Variants in TPD52L1 observed in about 807,000 individuals in gnomAD.
TPD52L1 encodes tumor protein D53.
Under a neutral mutation model 28.7 loss-of-function variants are expected in TPD52L1, and 18 were observed. That is an observed-to-expected ratio of 0.63 (90% CI 0.43 to 0.93). TPD52L1 has a LOEUF of 0.93. Among genes scored for constraint, TPD52L1 ranks in the 40% least tolerant of loss-of-function variants. The pLI is 0.00. For synonymous variants in TPD52L1, 75 were observed against 88.8 expected, an observed-to-expected ratio of 0.84 and a Z score of 0.88; for missense variants, 203 against 254.8, an observed-to-expected ratio of 0.80 and a Z score of 1.39.
chr6:125,220,879 G>A (rs967787232), intron 2 of TPD52L1, among the ~76,000 whole-genome samples: 1 of 152,172 alleles, frequency 6.6e-6, no homozygotes, highest in South Asian at 2.1e-4. Context: ...GGAGAGTGTT[G>A]TAAAAAGGGC....
intron 3 of TPD52L1, among the ~76,000 whole-genome samples, chr6:125,247,187 C>T (rs1245623396): frequency 2.0e-5 from 3 of 152,052 alleles, no homozygotes; most frequent in Non-Finnish European, 4.4e-5. Flanking sequence ...CTTACAGATA[C>T]CATATGCATG....
chr6:125,234,137 A>G (rs1157604370), intron 3 of TPD52L1, among the ~76,000 whole-genome samples: 3 of 152,260 alleles, frequency 2.0e-5, no homozygotes, highest in Non-Finnish European at 2.9e-5. Context: ...CAGGTGCTCT[A>G]TAAACATTAG....
chr6:125,187,075 T>C (rs952635624), intron 1 of TPD52L1, among the ~76,000 whole-genome samples: 29 of 152,214 alleles, frequency 1.9e-4, no homozygotes, highest in African/African-American at 6.7e-4. Context: ...AGTTAATAGA[T>C]TAATATCAAT....
chr6:125,224,916 A>G (rs553111211), intron 2 of TPD52L1, among the ~76,000 whole-genome samples: 2 of 152,344 alleles, frequency 1.3e-5, no homozygotes, highest in East Asian at 1.9e-4. Context: ...AAAGTGACCA[A>G]TTCAGTGGCA....
chr6:125,189,294 T>G (rs191528879), intron 1 of TPD52L1, among the ~76,000 whole-genome samples: 1 of 152,340 alleles, frequency 6.6e-6, no homozygotes, highest in African/African-American at 2.4e-5. Context: ...AGAGATCAGT[T>G]GTACACTATT....
At chr6:125,208,485 A>G (rs1794301720) in intron 1 of TPD52L1, among the ~76,000 whole-genome samples, 1 of 152,072 alleles carries the variant, frequency 6.6e-6, no homozygotes, top group Non-Finnish European at 1.5e-5. Flanking sequence ...TGGAGGAGGG[A>G]GCATCACCCT....
intron 6 of TPD52L1, among the ~76,000 whole-genome samples, chr6:125,258,351 T>A (rs1398852306): frequency 2.0e-5 from 3 of 152,150 alleles, no homozygotes; most frequent in Non-Finnish European, 4.4e-5. Context: ...CAGGAACCAA[T>A]GGGAGCCGTT....
chr6:125,237,705 G>A (rs887990863), intron 3 of TPD52L1, among the ~76,000 whole-genome samples: 5 of 152,008 alleles, frequency 3.3e-5, no homozygotes, highest in Admixed American at 2.0e-4. Context: ...AATTTATGGC[G>A]CAATTTCAGC....
intron 1 of TPD52L1, among the ~76,000 whole-genome samples, chr6:125,211,206 T>C (rs1156908293): frequency 6.6e-6 from 1 of 152,100 alleles, no homozygotes; most frequent in East Asian, 1.9e-4. Flanking sequence ...AGAAAGTTGT[T>C]TGAAAAAAAT....
chr6:125,239,721 G>C (rs1255651759), intron 3 of TPD52L1, among the ~76,000 whole-genome samples: 1 of 152,092 alleles, frequency 6.6e-6, no homozygotes, highest in Non-Finnish European at 1.5e-5. Context: ...TGAGTTTCTT[G>C]TAGGTTCTGG....
chr6:125,263,110 T>C lies in TPD52L1; in HGVS notation c.*148T>C. 4 of 938,276 alleles carry C rather than the reference T, an allele frequency of 4.3e-6. No homozygotes were observed. The highest frequency in any genetic ancestry group is 4.6e-6 in the Non-Finnish European group (3 of 651,458). 58.1% of individuals were successfully genotyped at this position (938,276 alleles called of 1,614,324 possible). On this transcript the variant is annotated 3_prime_UTR_variant, in exon 7 of 7. Transcript: ENST00000534000. ...CAAATGGCCCCTCCAGAAAGTTTAA[T>C]GATTTCCATTTGTATTTGTGTTGAT...
At chr6:125,239,645 C>T (rs546643674) in intron 3 of TPD52L1, among the ~76,000 whole-genome samples, 2 of 152,062 alleles carry the variant, frequency 1.3e-5, no homozygotes, top group South Asian at 4.2e-4. Context: ...CCCAGGCAAA[C>T]CATATCAATG....
At chr6:125,221,829 A>G (rs1015650071) in intron 2 of TPD52L1, 3 of 152,178 alleles carry the variant, frequency 2.0e-5, no homozygotes, top group African/African-American at 7.2e-5. Flanking sequence ...ACTCTTTGTT[A>G]CTGTGTTCAA....
intron 1 of TPD52L1, among the ~76,000 whole-genome samples, chr6:125,208,498 C>A (rs1794303882): frequency 6.6e-6 from 1 of 151,850 alleles, no homozygotes; most frequent in Admixed American, 6.6e-5. Flanking sequence ...ATCACCCTTG[C>A]AGTCTCGTGA....
intron 1 of TPD52L1, among the ~76,000 whole-genome samples, chr6:125,210,598 A>T (rs1256751652): frequency 6.9e-6 from 1 of 145,618 alleles, no homozygotes. Context: ...TGTAAGGTAT[A>T]TATGCGGGTG....
intron 1 of TPD52L1, among the ~76,000 whole-genome samples, chr6:125,181,947 T>C (rs1351984594): frequency 6.6e-6 from 1 of 152,182 alleles, no homozygotes; most frequent in Non-Finnish European, 1.5e-5. Flanking sequence ...AAGTTGGCTT[T>C]GCACAGCCAC....
At chr6:125,251,103 G>A (rs769517709) in intron 4 of TPD52L1, among the ~76,000 whole-genome samples, 2 of 125,774 alleles carry the variant, frequency 1.6e-5, no homozygotes, top group African/African-American at 1.0e-4. Flanking sequence ...CATTTTGAAA[G>A]TGTTTAAACT....
intron 1 of TPD52L1, among the ~76,000 whole-genome samples, chr6:125,200,814 C>T (rs777658494): frequency 6.6e-6 from 1 of 152,132 alleles, no homozygotes; most frequent in African/African-American, 2.4e-5. Flanking sequence ...CTAAGGTAGT[C>T]ATAAGGGTCA....
At chr6:125,254,530 C>T (rs549107676) in intron 5 of TPD52L1, among the ~76,000 whole-genome samples, 5 of 152,182 alleles carry the variant, frequency 3.3e-5, no homozygotes, top group East Asian at 1.9e-4. Flanking sequence ...CTCCACCCAC[C>T]GAGCCCTAAG....
Sources: allele counts gnomAD v4.1 joint callset (sites outside exome capture counted in the v4.1 genomes callset), GRCh38; gene constraint gnomAD v4.1.1; transcripts MANE v1.5; gene names NCBI Gene and HGNC (gene_info 2026-07-23, HGNC 2026-07-21).